STON2: variants seen among roughly 807,000 people sequenced by gnomAD.
STON2 encodes the protein stonin-2.
A neutral mutation model predicts 65.7 loss-of-function variants in STON2; 29 were observed. The ratio of observed to expected loss-of-function variants is 0.44; its 90% CI spans 0.33 to 0.60. The LOEUF (loss-of-function observed/expected upper bound fraction) is 0.60, where lower values mean the gene tolerates loss of function less well. Ranked by LOEUF, STON2 falls within the 20% of genes least tolerant of loss-of-function variation. The pLI is 0.03. For synonymous variants in STON2, 404 were observed against 414.2 expected (o/e 0.98, Z 0.30); for missense variants, 1,054 against 1,118.1 (o/e 0.94, Z 0.82).
intron 4 of STON2, among the ~76,000 whole-genome samples, chr14:81,327,029 G>A (rs1034847809): frequency 2.6e-5 from 4 of 152,276 alleles, no homozygotes; most frequent in South Asian, 2.1e-4. Flanking sequence ...GTGGTGGCAC[G>A]CGCCTGTAAT....
At chr14:81,372,424 G>A (rs1246540267) in intron 3 of STON2, among the ~76,000 whole-genome samples, 5 of 151,834 alleles carry the variant, frequency 3.3e-5, no homozygotes, top group African/African-American at 9.7e-5. Flanking sequence ...GCATGGTGGC[G>A]GGCGCCTGTA....
At chr14:81,290,932 A>C (rs1176376095) in intron 5 of STON2, among the ~76,000 whole-genome samples, 1 of 152,218 alleles carries the variant, frequency 6.6e-6, no homozygotes, top group Non-Finnish European at 1.5e-5. Context: ...CAGGAAAACA[A>C]CTAATTCCCA....
chr14:81,267,943 C>T lies in STON2; in HGVS notation c.*471G>A. On this transcript the variant is annotated 3_prime_UTR_variant, in exon 8 of 8. Transcript: ENST00000614646. ...AAATTTGTTTTGCACCTTTTCTGAACCTTTTCTAGACAGAGTGAAAGAGAT... is the reference window on the plus strand; with the variant it reads ...AAATTTGTTTTGCACCTTTTCTGAATCTTTTCTAGACAGAGTGAAAGAGAT... 4 of 985,614 alleles carry T rather than the reference C, an allele frequency of 4.1e-6. No individual in the cohort carries two copies. Among genetic ancestry groups the T allele is most frequent in the Non-Finnish European group, 4.8e-6 (4 of 830,102 alleles). 61.1% of individuals were successfully genotyped at this position (985,614 alleles called of 1,614,324 possible). A position where few individuals can be genotyped will look rare whatever the true frequency, so the allele number is the denominator to read the frequency against.
At chr14:81,365,968 G>A (rs1334383738) in intron 4 of STON2, among the ~76,000 whole-genome samples, 1 of 152,180 alleles carries the variant, frequency 6.6e-6, no homozygotes, top group Non-Finnish European at 1.5e-5. Flanking sequence ...GGTGAAAATA[G>A]CAGGGTGTGC....
chr14:81,422,793 G>C (rs535216227), intron 2 of STON2, among the ~76,000 whole-genome samples: 1 of 152,196 alleles, frequency 6.6e-6, no homozygotes, highest in African/African-American at 2.4e-5. Context: ...CAGCACTTTG[G>C]GAGGCTGAGG....
intron 3 of STON2, 117 bp downstream of exon 3, chr14:81,395,777 C>A: frequency 9.7e-7 from 1 of 1,032,312 alleles, no homozygotes; most frequent in South Asian, 1.5e-5. Flanking sequence ...CCCTATGCGA[C>A]CAGTGCTTCA....
At chr14:81,427,983 T>C (rs916625601) in intron 1 of STON2, among the ~76,000 whole-genome samples, 7 of 152,168 alleles carry the variant, frequency 4.6e-5, no homozygotes, top group Non-Finnish European at 8.8e-5. Context: ...ACAAAGTACT[T>C]AGCTCCAGCC....
At position 81,435,312 on chromosome 14, in the gene STON2, G is replaced by A. The variant is rs2139940370; in HGVS notation, c.-310+1009C>T. ...AAGCTGTTCAGAGCTGCAAATGGTTGCTAGGCCAGTTTGGACACGTCTGAT... is the reference window on the plus strand; with the variant it reads ...AAGCTGTTCAGAGCTGCAAATGGTTACTAGGCCAGTTTGGACACGTCTGAT... On this transcript the variant is annotated intron_variant, in intron 1 of 8. Coordinates refer to the STON2 transcript ENST00000553821. Among the ~76,000 whole-genome samples the A allele has an allele frequency of 3.3e-5, 5 of 152,194 alleles. No individual in the cohort carries two copies. The South Asian group carries it at 1.0e-3, about 32-fold the overall frequency.
intron 5 of STON2, among the ~76,000 whole-genome samples, chr14:81,304,194 C>T (rs1459630138): frequency 6.6e-6 from 1 of 152,176 alleles, no homozygotes; most frequent in Non-Finnish European, 1.5e-5. Flanking sequence ...GGGTTTTGTA[C>T]ATTTTTAGAT....
chr14:81,300,514 G>A (rs1397347237), intron 5 of STON2, among the ~76,000 whole-genome samples: 2 of 152,050 alleles, frequency 1.3e-5, no homozygotes, highest in Non-Finnish European at 2.9e-5. Flanking sequence ...ATAACTCCCA[G>A]AAATCAATAA....
chr14:81,411,787 G>A (rs191797213), intron 2 of STON2, among the ~76,000 whole-genome samples: 4 of 152,274 alleles, frequency 2.6e-5, no homozygotes, highest in Middle Eastern at 3.4e-3. Flanking sequence ...CCTTCAAGGG[G>A]CTTACATCAT....
chr14:81,292,866 G>A (rs1895611538), intron 5 of STON2, among the ~76,000 whole-genome samples: 2 of 152,202 alleles, frequency 1.3e-5, no homozygotes, highest in Non-Finnish European at 2.9e-5. Context: ...ATGGTTCAGA[G>A]GGAAAGGACA....
chr14:81,398,740 T>C (rs1422097246), intron 1 of STON2, among the ~76,000 whole-genome samples, 160 bp from the exon 2 acceptor site: 1 of 152,218 alleles, frequency 6.6e-6, no homozygotes, highest in African/African-American at 2.4e-5. Context: ...TCACCTTTTA[T>C]ACTGAAATGT....
intron 4 of STON2, among the ~76,000 whole-genome samples, chr14:81,337,707 G>T (rs1458971128): frequency 6.6e-6 from 1 of 152,172 alleles, no homozygotes; most frequent in Non-Finnish European, 1.5e-5. Context: ...TGAGAATGGA[G>T]AAAGTGGTGA....
intron 2 of STON2, among the ~76,000 whole-genome samples, chr14:81,416,426 G>A (rs1901437853): frequency 6.6e-6 from 1 of 152,178 alleles, no homozygotes; most frequent in African/African-American, 2.4e-5. Context: ...CCTGAGACAG[G>A]AAAGAGCCTA....
rs1894837313 is a variant in STON2, at chr14:81,276,778, T to TCCCC, written c.2581+119_2581+122dup. The TCCCC allele has an allele frequency of 6.9e-6, 8 of 1,153,918 alleles. No individual in the cohort carries two copies. The Admixed American group carries it at 1.2e-4, about 17-fold the overall frequency. 71.5% of individuals were successfully genotyped at this position (1,153,918 alleles called of 1,614,324 possible). ...ATTATTTTTACTTTTCTGGTCCCACTCCCCCTCCATCACCACTCCCATCAC... is the reference window on the plus strand; with the variant it reads ...ATTATTTTTACTTTTCTGGTCCCACTCCCCCCCCCTCCATCACCACTCCCATCAC... On this transcript the variant is annotated intron_variant, in intron 6 of 7. Coordinates refer to ENST00000614646, the MANE Select transcript of STON2 (RefSeq NM_001394390.1).
At chr14:81,298,173 C>G (rs1895833943) in intron 5 of STON2, among the ~76,000 whole-genome samples, 1 of 152,140 alleles carries the variant, frequency 6.6e-6, no homozygotes, top group African/African-American at 2.4e-5. Context: ...TGTGGGGGCT[C>G]TATAATTCCA....
chr14:81,354,002 T>C (rs1047249970), intron 4 of STON2, among the ~76,000 whole-genome samples: 1 of 152,254 alleles, frequency 6.6e-6, no homozygotes, highest in Admixed American at 6.5e-5. Context: ...ACCTCAACTA[T>C]GTATTTACAC....
chr14:81,330,199 C>A (rs142445380), intron 4 of STON2, among the ~76,000 whole-genome samples: 1 of 152,180 alleles, frequency 6.6e-6, no homozygotes, highest in African/African-American at 2.4e-5. Context: ...CACCCCCTCT[C>A]GGCACCGTGA....
Sources: allele counts gnomAD v4.1 joint callset (sites outside exome capture counted in the v4.1 genomes callset), GRCh38; gene constraint gnomAD v4.1.1; transcripts MANE v1.5; gene names NCBI Gene and HGNC (gene_info 2026-07-23, HGNC 2026-07-21).